CELF4: variants seen among roughly 807,000 people sequenced by gnomAD.
CELF4 encodes CUG-BP- and ETR-3-like factor 4.
In CELF4, 18 loss-of-function variants were observed where a neutral mutation model predicts 59.9. The ratio of observed to expected loss-of-function variants is 0.30; its 90% CI spans 0.21 to 0.45. The LOEUF is 0.45. Among genes scored for constraint, CELF4 ranks in the 20% least tolerant of loss-of-function variants. CELF4 has a pLI of 1.00. For synonymous variants in CELF4, 261 were observed against 267.1 expected (o/e 0.98, Z 0.22); for missense variants, 456 against 689.0 (o/e 0.66, Z 3.79).
intron 1 of CELF4, among the ~76,000 whole-genome samples, chr18:37,539,320 G>C (rs1357921510): frequency 6.6e-6 from 1 of 152,120 alleles, no homozygotes; most frequent in Admixed American, 6.6e-5. Context: ...CTTGCCTAAG[G>C]TCACCCAGTT....
Position 37,253,944 on chromosome 18 carries a change from G to A in CELF4, c.1334-6C>T. On this transcript the variant is annotated splice_polypyrimidine_tract_variant and splice_region_variant and intron_variant, in intron 11 of 12. Transcript: ENST00000420428. This position sits in a 1 kb window ranked among gnomAD's most constrained non-coding sequence, Gnocchi z 4.5. ...GTTGTCGAAGCTCACGAAGCCTGGC[G>A]AGACACGAGGGACGAGGGCCTGGGT... The A allele has an allele frequency of 1.9e-6, 3 of 1,593,838 alleles. No individual in the cohort carries two copies. The highest frequency in any genetic ancestry group is 2.3e-5 in the East Asian group (1 of 43,058).
chr18:37,343,986 G>A (rs1185017844), intron 2 of CELF4, among the ~76,000 whole-genome samples: 1 of 152,054 alleles, frequency 6.6e-6, no homozygotes, highest in African/African-American at 2.4e-5. Context: ...CCATTTTTCA[G>A]AGACTTCTGT....
chr18:37,445,500 C>A (rs763675519), intron 2 of CELF4, among the ~76,000 whole-genome samples: 1 of 151,870 alleles, frequency 6.6e-6, no homozygotes, highest in South Asian at 2.1e-4. Context: ...AGAGTTGTCA[C>A]CTCGTGGGGT....
chr18:37,392,300 T>C (rs1221513252), intron 2 of CELF4, among the ~76,000 whole-genome samples: 1 of 152,138 alleles, frequency 6.6e-6, no homozygotes, highest in East Asian at 1.9e-4. Context: ...CCATCCCCAT[T>C]TTTAGCTTGC....
chr18:37,523,150 G>A (rs2099959548), intron 1 of CELF4, among the ~76,000 whole-genome samples: 2 of 152,120 alleles, frequency 1.3e-5, no homozygotes, highest in African/African-American at 4.8e-5. Flanking sequence ...ACACATTCAC[G>A]TGGGCTTGGT....
chr18:37,480,729 G>T (rs753761233), intron 2 of CELF4, among the ~76,000 whole-genome samples: 11 of 152,016 alleles, frequency 7.2e-5, no homozygotes, highest in Non-Finnish European at 1.2e-4. Flanking sequence ...GTTGAAAGAG[G>T]GAGGGAGGAG....
At chr18:37,284,428 G>A (rs1459323880) in intron 3 of CELF4, among the ~76,000 whole-genome samples, 1 of 152,076 alleles carries the variant, frequency 6.6e-6, no homozygotes, top group African/African-American at 2.4e-5. Context: ...CTCCAACCCT[G>A]GGCCCATTCT....
intron 2 of CELF4, among the ~76,000 whole-genome samples, chr18:37,394,920 A>C (rs1454402769): frequency 2.7e-5 from 4 of 148,998 alleles, no homozygotes; most frequent in African/African-American, 5.0e-5. Flanking sequence ...ATCACTCCAC[A>C]GCCTTCCTGC....
intron 3 of CELF4, among the ~76,000 whole-genome samples, chr18:37,299,165 C>T (rs571373003): frequency 6.6e-5 from 10 of 152,242 alleles, no homozygotes; most frequent in African/African-American, 1.4e-4. Context: ...ACTCAGTCAC[C>T]GCACCATGGG....
chr18:37,411,249 C>T (rs1021442425), intron 2 of CELF4, among the ~76,000 whole-genome samples: 8 of 152,214 alleles, frequency 5.3e-5, no homozygotes, highest in Non-Finnish European at 7.3e-5. Flanking sequence ...AGCCACTATA[C>T]CCAGCCCAAA....
chr18:37,491,732 T>G (rs2099906177), intron 1 of CELF4, among the ~76,000 whole-genome samples: 1 of 152,098 alleles, frequency 6.6e-6, no homozygotes, highest in African/African-American at 2.4e-5. Flanking sequence ...GCTGTCGGGC[T>G]AGGGTGCACG....
chr18:37,478,321 C>T (rs1406402905), intron 2 of CELF4, among the ~76,000 whole-genome samples: 1 of 152,166 alleles, frequency 6.6e-6, no homozygotes, highest in African/African-American at 2.4e-5. Context: ...GGCCCAGGTT[C>T]CCTCTGCTTA....
intron 2 of CELF4, among the ~76,000 whole-genome samples, chr18:37,399,877 T>A (rs2099303595): frequency 6.6e-6 from 1 of 152,220 alleles, no homozygotes; most frequent in South Asian, 2.1e-4. Context: ...CTGCTCTGGC[T>A]CAATCATTCC....
At chr18:37,359,137 A>C (rs1300541657) in intron 2 of CELF4, among the ~76,000 whole-genome samples, 1 of 152,148 alleles carries the variant, frequency 6.6e-6, no homozygotes, top group Admixed American at 6.5e-5. Flanking sequence ...CAAACCTGTC[A>C]AGTAAGTGAA....
intron 2 of CELF4, among the ~76,000 whole-genome samples, chr18:37,406,278 C>T (rs1423673242): frequency 2.6e-5 from 4 of 152,044 alleles, no homozygotes; most frequent in Non-Finnish European, 5.9e-5. Flanking sequence ...TCTCTATCCT[C>T]GGAGCCCCAC....
rs112724135 is a variant in CELF4 at position 37,313,309 on chromosome 18, C to T, written c.448+8494G>A. On this transcript the variant is annotated intron_variant, in intron 3 of 12. Transcript: ENST00000420428. ...CAGCCCTCTGGATGTTTCTCTGCAGCCCCTCCTGCCTGGGCCGAGGGCTTC... is the reference window on the plus strand; with the variant it reads ...CAGCCCTCTGGATGTTTCTCTGCAGTCCCTCCTGCCTGGGCCGAGGGCTTC... 2.9e-3 allele frequency among the ~76,000 whole-genome samples: 441 copies of T among 152,324 alleles called. 4 individuals carry two copies. The highest frequency in any genetic ancestry group is 0.01 in the African/African-American group (417 of 41,558).
intron 3 of CELF4, among the ~76,000 whole-genome samples, chr18:37,308,520 G>A (rs946508208): frequency 2.0e-5 from 3 of 152,162 alleles, no homozygotes; most frequent in East Asian, 1.9e-4. Context: ...GCATGCTGCC[G>A]GCTGATCTCC....
intron 1 of CELF4, among the ~76,000 whole-genome samples, chr18:37,524,213 A>G (rs1219625388): frequency 6.6e-6 from 1 of 152,232 alleles, no homozygotes; most frequent in African/African-American, 2.4e-5. Flanking sequence ...AAATAGGACC[A>G]GATATCCACC....
At position 37,478,788 on chromosome 18, in the gene CELF4, G is replaced by C. The variant is rs1603642205; in HGVS notation, c.369+6737C>G. Among the ~76,000 whole-genome samples, 5 of 152,346 alleles carry C rather than the reference G, an allele frequency of 3.3e-5. No individual in the cohort carries two copies. In the South Asian group the frequency reaches 1.0e-3, roughly 32 times the overall value. ...GTCCCTCAGTACCTGGATTTAAAGT[G>C]CTTTGGGCTTCTCTCTTGGAACCTT... On this transcript the variant is annotated intron_variant, in intron 2 of 12. Coordinates refer to ENST00000420428, the MANE Select transcript of CELF4 (RefSeq NM_020180.4).
Sources: gnomAD v4.1 joint callset for allele counts (sites outside exome capture counted in the v4.1 genomes callset) on GRCh38, gnomAD v4.1.1 for gene constraint, Gnocchi (gnomAD v3.1) non-coding constraint, MANE v1.5 for transcripts, NCBI Gene and HGNC (gene_info 2026-07-23, HGNC 2026-07-21) for gene names.